Variants in LRFN5 observed in about 807,000 individuals in gnomAD.
The protein encoded by LRFN5 is leucine rich repeat and fibronectin type III domain containing 5.
A neutral mutation model predicts 45.6 loss-of-function variants in LRFN5; 24 were observed. The observed-to-expected ratio is 0.53, with a 90% CI of 0.38 to 0.74. The LOEUF is 0.74. LRFN5 is among the 30% of genes least tolerant of loss of function. The pLI is 0.00. For missense variants in LRFN5, 776 were observed against 861.5 expected (o/e 0.90, Z 1.24); for synonymous variants, 340 against 313.8 (o/e 1.08, Z -0.88).
intron 2 of LRFN5, 46 bp downstream of exon 2, chr14:41,767,075 C>A (rs1885912225): frequency 6.6e-6 from 1 of 152,624 alleles, no homozygotes; most frequent in Non-Finnish European, 1.5e-5. Flanking sequence ...GGGTTTAAAA[C>A]ACTTAAGGGA....
At chr14:41,897,007 A>G (rs1388722644) in intron 4 of LRFN5, among the ~76,000 whole-genome samples, 9 of 151,668 alleles carry the variant, frequency 5.9e-5, no homozygotes, top group Non-Finnish European at 2.9e-5. Context: ...CAGGAGAATC[A>G]CTTGAACCCT....
intron 1 of LRFN5, among the ~76,000 whole-genome samples, chr14:41,709,204 A>C (rs1488101716): frequency 6.6e-6 from 1 of 151,808 alleles, no homozygotes; most frequent in African/African-American, 2.4e-5. Context: ...ATTTTATTTT[A>C]TTTTATATCT....
At chr14:41,792,124 G>A (rs1886944161) in intron 2 of LRFN5, among the ~76,000 whole-genome samples, 1 of 152,066 alleles carries the variant, frequency 6.6e-6, no homozygotes, top group South Asian at 2.1e-4. Context: ...CATATCGGTA[G>A]GACCATGATG....
At chr14:41,789,964 T>C (rs117218688) in intron 2 of LRFN5, among the ~76,000 whole-genome samples, 16 of 152,080 alleles carry the variant, frequency 1.1e-4, no homozygotes, top group Non-Finnish European at 1.8e-4. Flanking sequence ...ATAAAATGCA[T>C]TGGGGACTTT....
intron 1 of LRFN5, among the ~76,000 whole-genome samples, chr14:41,710,884 C>A (rs1883255217): frequency 7.5e-6 from 1 of 132,994 alleles, no homozygotes; most frequent in South Asian, 2.3e-4. Flanking sequence ...GCTTTCTGTC[C>A]TTGCGACAGA....
chr14:41,673,747 C>G (rs1009348463), intron 1 of LRFN5, among the ~76,000 whole-genome samples: 2 of 134,902 alleles, frequency 1.5e-5, no homozygotes, highest in Non-Finnish European at 3.2e-5. Flanking sequence ...TAGGGGTGGC[C>G]GGGCAGAGGC....
At position 41,875,422 on chromosome 14, in the gene LRFN5, T is replaced by A. The variant is rs150527347; in HGVS notation, c.-20-11184T>A. Among the ~76,000 whole-genome samples the A allele has an allele frequency of 1.8e-4, 28 of 152,358 alleles. No individual in the cohort carries two copies. In the East Asian group the frequency reaches 4.3e-3, roughly 23 times the overall value. Reference sequence around the variant, plus strand: ...AATTTTCTGCAAGAAAGAACACATTTACCTTCACAGTTCCTAGTAGTATTT... The same window carrying A: ...AATTTTCTGCAAGAAAGAACACATTAACCTTCACAGTTCCTAGTAGTATTT... On this transcript the variant is annotated intron_variant, in intron 2 of 5. Coordinates refer to ENST00000298119, the MANE Select transcript of LRFN5 (RefSeq NM_152447.5).
intron 2 of LRFN5, among the ~76,000 whole-genome samples, chr14:41,767,411 A>G (rs768341878): frequency 2.3e-4 from 35 of 152,180 alleles, no homozygotes; most frequent in Non-Finnish European, 3.4e-4. Flanking sequence ...CTAATAAACT[A>G]TGAAAATGGA....
intron 2 of LRFN5, among the ~76,000 whole-genome samples, chr14:41,848,279 T>C (rs1202273606): frequency 6.6e-6 from 1 of 152,020 alleles, no homozygotes; most frequent in African/African-American, 2.4e-5. Context: ...TATCGTAGAA[T>C]AAGAAGCTGA....
At chr14:41,738,766 G>C (rs1305183604) in intron 1 of LRFN5, among the ~76,000 whole-genome samples, 1 of 151,976 alleles carries the variant, frequency 6.6e-6, no homozygotes, top group Non-Finnish European at 1.5e-5. Context: ...TTAACTTTTA[G>C]CAATTTATTT....
chr14:41,733,112 T>G (rs529474559), intron 1 of LRFN5, among the ~76,000 whole-genome samples: 1 of 150,262 alleles, frequency 6.7e-6, no homozygotes, highest in East Asian at 2.0e-4. Flanking sequence ...GACCAACACA[T>G]TTTGTAGACC....
At chr14:41,853,393 C>A (rs551311637) in intron 2 of LRFN5, among the ~76,000 whole-genome samples, 3 of 151,974 alleles carry the variant, frequency 2.0e-5, no homozygotes, top group South Asian at 4.2e-4. Context: ...GTCTAGGGAA[C>A]TGACAATGGA....
In LRFN5 at chr14:41,891,342, G is replaced by A. The variant is rs1188047844; in HGVS notation, c.1478G>A (p.Gly493Asp). ...TGTGTCTTGGCCATATATGATGATG[G>A]CATCACTTCCCTCACTGCCACAAGA... ...DLCVLAIYDD[G>D]ITSLTATRVV... Residue 493 changes from glycine (G) to aspartate (D), a missense_variant, in exon 4 of 6, where the codon GGC becomes GAC. By Grantham distance (94) the Gly-to-Asp change is moderately conservative. Transcript: ENST00000298119. The A allele has an allele frequency of 3.7e-6, 6 of 1,613,864 alleles. No homozygotes were observed. Among genetic ancestry groups the A allele is most frequent in the Non-Finnish European group, 5.1e-6 (6 of 1,180,020 alleles).
intron 2 of LRFN5, among the ~76,000 whole-genome samples, chr14:41,878,065 C>T (rs72670418): frequency 0.17 from 26,078 of 151,662 alleles, 2,753 homozygotes; most frequent in Middle Eastern, 0.26. Flanking sequence ...TGTATTTTAA[C>T]GGAGAATGCA....
chr14:41,808,734 T>C (rs187530735), intron 2 of LRFN5, among the ~76,000 whole-genome samples: 25 of 152,188 alleles, frequency 1.6e-4, no homozygotes, highest in South Asian at 8.3e-4. Flanking sequence ...CCTTCTAACA[T>C]TTCAATAATG....
At chr14:41,805,555 C>G (rs533542336) in intron 2 of LRFN5, among the ~76,000 whole-genome samples, 6 of 145,556 alleles carry the variant, frequency 4.1e-5, no homozygotes, top group South Asian at 2.2e-4. Context: ...ATCCCTCCAC[C>G]CCCCCCACCC....
chr14:41,734,911 AC>A (rs1884358605), intron 1 of LRFN5, among the ~76,000 whole-genome samples: 1 of 152,066 alleles, frequency 6.6e-6, no homozygotes, highest in Non-Finnish European at 1.5e-5. Flanking sequence ...TTGATCACTT[AC>A]AAAAAAAGCT....
At chr14:41,707,704 T>C (rs752505887) in intron 1 of LRFN5, among the ~76,000 whole-genome samples, 1 of 152,108 alleles carries the variant, frequency 6.6e-6, no homozygotes, top group Non-Finnish European at 1.5e-5. Context: ...CTAGAGCACA[T>C]TGACGAATGC....
intron 1 of LRFN5, among the ~76,000 whole-genome samples, chr14:41,696,691 G>A (rs1324533885): frequency 2.0e-5 from 3 of 151,884 alleles, no homozygotes; most frequent in Non-Finnish European, 2.9e-5. Context: ...CACTAACAGT[G>A]TACAAGGAGT....
Sources: allele counts gnomAD v4.1 joint callset (sites outside exome capture counted in the v4.1 genomes callset), GRCh38; gene constraint gnomAD v4.1.1; transcripts MANE v1.5; gene names NCBI Gene and HGNC (gene_info 2026-07-23, HGNC 2026-07-21).